CBX7: variants seen among roughly 807,000 people sequenced by gnomAD.
CBX7 encodes the protein chromobox protein homolog 7.
In CBX7, 14 loss-of-function variants were observed where a neutral mutation model predicts 31.4. The ratio of observed to expected loss-of-function variants is 0.45; its 90% CI spans 0.29 to 0.70. The LOEUF is 0.70. Among genes scored for constraint, CBX7 ranks in the 30% least tolerant of loss-of-function variants. CBX7 has a pLI of 0.11. For missense variants in CBX7, 269 were observed against 351.9 expected, an observed-to-expected ratio of 0.76 and a Z score of 1.89; for synonymous variants, 159 against 152.6, an observed-to-expected ratio of 1.04 and a Z score of -0.31.
rs182184753 is a variant in CBX7, at chr22:39,133,538, C to A, written c.*353G>T. ...AGCCAACCAGGCTGGGGTGGCCACT[C>A]AAGGGAGAGGGTTTGGGCCTTCCAA... On this transcript the variant is annotated 3_prime_UTR_variant, in exon 6 of 6. Transcript: ENST00000216133. 8.3e-4 allele frequency: 146 copies of A among 176,900 alleles called. No homozygotes were observed. Among genetic ancestry groups the A allele is most frequent in the Non-Finnish European group, 1.4e-3 (120 of 84,676 alleles). 11.0% of individuals were successfully genotyped at this position (176,900 alleles called of 1,614,324 possible).
chr22:39,142,228 T>C (rs1930484575), intron 2 of CBX7, among the ~76,000 whole-genome samples: 1 of 152,128 alleles, frequency 6.6e-6, no homozygotes, highest in Non-Finnish European at 1.5e-5. Context: ...GTTTAGAGGG[T>C]GTTACAAGAG....
rs1404837775 is a variant in CBX7 at position 39,133,251 on chromosome 22, A to T, written c.*640T>A. 1 of 152,256 alleles carries T rather than the reference A, an allele frequency of 6.6e-6. No individual in the cohort carries two copies. The highest frequency in any genetic ancestry group is 1.9e-4 in the East Asian group (1 of 5,172). The allele number at this position is 152,256 out of a possible 1,614,324, so 9.4% of individuals were successfully genotyped here. A position where few individuals can be genotyped will look rare whatever the true frequency, so the allele number is the denominator to read the frequency against. On this transcript the variant is annotated 3_prime_UTR_variant, in exon 6 of 6. Coordinates refer to ENST00000216133, the MANE Select transcript of CBX7 (RefSeq NM_175709.5). ...TGCACACCTGTGCAGCCAGGTGTGCATGAGCGTTTCTGCACAGGCCAGGTG... is the reference window on the plus strand; with the variant it reads ...TGCACACCTGTGCAGCCAGGTGTGCTTGAGCGTTTCTGCACAGGCCAGGTG...
intron 2 of CBX7, chr22:39,147,643 G>A (rs566997850): frequency 1.3e-5 from 2 of 152,256 alleles, no homozygotes; most frequent in African/African-American, 2.4e-5. Flanking sequence ...CCCAAGTGAG[G>A]TGGGGATGGT....
chr22:39,137,469 C>T (rs1930295010), intron 4 of CBX7, among the ~76,000 whole-genome samples: 2 of 152,124 alleles, frequency 1.3e-5, no homozygotes, highest in East Asian at 1.9e-4. Flanking sequence ...CTGTCTCAGC[C>T]CCCTGAGTAG....
chr22:39,133,931 G>A lies in CBX7; in HGVS notation c.716C>T (p.Ala239Val). ...GCGGTCTCGGAAGAAGCCCTCAGCT[G>A]CCTGGGCCTCGCGGAAGGTGACGGT... ...SITVTFREAQ[A>V]AEGFFRDRSG... is the part of the protein sequence containing the mutation. The change falls in exon 6 of 6, where the codon GCA (alanine) becomes GTA (valine). Residue 239 changes from alanine to valine, a missense_variant. Transcript: ENST00000216133. 6.2e-7 allele frequency: 1 copy of A among 1,613,696 alleles called. No individual in the cohort carries two copies. The highest frequency in any genetic ancestry group is 1.1e-5 in the South Asian group (1 of 91,042).
chr22:39,142,485 T>C (rs1449930525), intron 2 of CBX7, among the ~76,000 whole-genome samples: 1 of 152,166 alleles, frequency 6.6e-6, no homozygotes, highest in Non-Finnish European at 1.5e-5. Flanking sequence ...CAGGGGATCT[T>C]CTACCCTCGC....
chr22:39,144,882 G>C (rs545594231), intron 2 of CBX7, among the ~76,000 whole-genome samples: 21 of 152,360 alleles, frequency 1.4e-4, no homozygotes, highest in African/African-American at 5.1e-4. Context: ...TAGGTGCTTA[G>C]TTCTTACCCC....
chr22:39,149,943 G>A (rs1316398021), intron 1 of CBX7, 111 bp from the exon 2 acceptor site: 3 of 827,866 alleles, frequency 3.6e-6, no homozygotes, highest in East Asian at 4.8e-5. Flanking sequence ...CTGCAGACAG[G>A]TGTCTCCCCA....
chr22:39,136,902 GC>G (rs1291899381), intron 4 of CBX7: 2 of 152,210 alleles, frequency 1.3e-5, no homozygotes, highest in Admixed American at 6.5e-5. Flanking sequence ...AATGGAACAT[GC>G]CCACTGCATG....
chr22:39,138,425 G>A (rs902211189), intron 4 of CBX7, among the ~76,000 whole-genome samples: 1 of 152,160 alleles, frequency 6.6e-6, no homozygotes, highest in African/African-American at 2.4e-5. Context: ...CGCCCACCCA[G>A]GCTGTCTTCC....
intron 2 of CBX7, among the ~76,000 whole-genome samples, chr22:39,145,557 G>C (rs1023549890): frequency 2.6e-5 from 4 of 151,986 alleles, no homozygotes; most frequent in Non-Finnish European, 5.9e-5. Flanking sequence ...GGACCGCGGC[G>C]TGGACACCGG....
chr22:39,141,331 C>A (rs760898103), intron 3 of CBX7, 40 bp downstream of exon 3: 1 of 1,575,254 alleles, frequency 6.3e-7, no homozygotes, highest in African/African-American at 1.3e-5. Flanking sequence ...GCCTCTGAGC[C>A]GGCCCTAAGC....
Position 39,131,715 on chromosome 22 carries a change from C to T in CBX7, c.*2176G>A, listed in dbSNP as rs1930047052. On this transcript the variant is annotated 3_prime_UTR_variant, in exon 6 of 6. Coordinates refer to ENST00000216133, the MANE Select transcript of CBX7 (RefSeq NM_175709.5). ...ACTGCAGCACCCACACAGAAAGCCC[C>T]GTGAATCCACAGACCCACAGATTGC... 6.6e-6 allele frequency: 1 copy of T among 152,274 alleles called. No individual in the cohort carries two copies. Among genetic ancestry groups the T allele is most frequent in the African/African-American group, 2.4e-5 (1 of 41,458 alleles). 9.4% of individuals were successfully genotyped at this position (152,274 alleles called of 1,614,324 possible).
intron 2 of CBX7, among the ~76,000 whole-genome samples, chr22:39,144,238 T>C (rs1200554063): frequency 1.3e-5 from 2 of 152,208 alleles, no homozygotes; most frequent in African/African-American, 2.4e-5. Context: ...GGGCTCGCAG[T>C]GAAGCCCTGA....
intron 1 of CBX7, 73 bp from the exon 2 acceptor site, chr22:39,149,905 C>T: frequency 8.7e-7 from 1 of 1,149,346 alleles, no homozygotes. Flanking sequence ...ACAGTTAAGG[C>T]CCAAAGGAGC....
At chr22:39,141,802 G>A (rs1270710017) in intron 2 of CBX7, among the ~76,000 whole-genome samples, 1 of 151,832 alleles carries the variant, frequency 6.6e-6, no homozygotes, top group South Asian at 2.1e-4. Flanking sequence ...ACCAGCAGAG[G>A]CCACTGCTGC....
At chr22:39,144,251 C>A (rs367706962) in intron 2 of CBX7, among the ~76,000 whole-genome samples, 4 of 152,228 alleles carry the variant, frequency 2.6e-5, no homozygotes, top group African/African-American at 9.6e-5. Flanking sequence ...AGCCCTGAGC[C>A]TGGGCTGCCC....
At chr22:39,149,764 G>C (rs1569112901) in intron 2 of CBX7, 25 bp downstream of exon 2, 9 of 1,609,596 alleles carry the variant, frequency 5.6e-6, no homozygotes, top group East Asian at 4.5e-5. Flanking sequence ...CAGACAGACA[G>C]ACACACACAC....
intron 2 of CBX7, chr22:39,149,345 G>C (rs1205964350): frequency 1.1e-5 from 2 of 187,894 alleles, no homozygotes; most frequent in Non-Finnish European, 2.2e-5. Context: ...AGACTGGAAA[G>C]TGCCGTCTAG....
Sources: allele counts gnomAD v4.1 joint callset (sites outside exome capture counted in the v4.1 genomes callset), GRCh38; gene constraint gnomAD v4.1.1; transcripts MANE v1.5; gene names NCBI Gene and HGNC (gene_info 2026-07-23, HGNC 2026-07-21).